The following PDCD11 variants were observed in gnomAD, a reference collection of about 807,000 sequenced individuals.
PDCD11 encodes the protein programmed cell death 11, also known as protein RRP5 homolog.
In PDCD11, 97 loss-of-function variants were observed where a neutral mutation model predicts 198.9. The ratio of observed to expected loss-of-function variants is 0.49; its 90% CI spans 0.41 to 0.58. The LOEUF is 0.58. Among genes scored for constraint, PDCD11 ranks in the 20% least tolerant of loss-of-function variants. The pLI, the probability that PDCD11 is intolerant of heterozygous loss-of-function variation, is 0.00. For synonymous variants in PDCD11, 893 were observed against 918.0 expected, an observed-to-expected ratio of 0.97 and a Z score of 0.49; for missense variants, 2,102 against 2,312.7, an observed-to-expected ratio of 0.91 and a Z score of 1.87.
At chr10:103,413,934 T>C in intron 9 of PDCD11, 32 bp from the exon 10 acceptor site, 1 of 1,579,348 alleles carries the variant, frequency 6.3e-7, no homozygotes, top group Non-Finnish European at 8.6e-7. Flanking sequence ...CTGTTGTCCC[T>C]GGCTTATCCT....
chr10:103,411,461 G>C (rs2030802977), intron 8 of PDCD11, among the ~76,000 whole-genome samples: 1 of 152,118 alleles, frequency 6.6e-6, no homozygotes, highest in African/African-American at 2.4e-5. Context: ...AACCTCCTGG[G>C]TTCAGGCGAT....
chr10:103,434,025 T>C lies in PDCD11; in HGVS notation c.3552T>C (p.Ser1184=). 1 of 1,612,250 alleles carries C rather than the reference T, an allele frequency of 6.2e-7. No homozygotes were observed. The highest frequency in any genetic ancestry group is 1.1e-5 in the South Asian group (1 of 91,050). Residue 1184 remains serine (S), a synonymous_variant, in exon 23 of 36, where the codon TCT becomes TCC. Transcript: ENST00000369797. ...GGAGAATTCCCTTATTGCTCACTTC[T>C]CTGAGCTTCAAGGTCAGTGTGCTTG... ...IRGRIPLLLT[S]LSFKVLKHPD...
At chr10:103,432,998 A>G (rs948211842) in intron 22 of PDCD11, among the ~76,000 whole-genome samples, 3 of 152,082 alleles carry the variant, frequency 2.0e-5, no homozygotes, top group Non-Finnish European at 4.4e-5. Context: ...AGCACAGATA[A>G]CCTTCCCTCG....
intron 25 of PDCD11, among the ~76,000 whole-genome samples, chr10:103,435,582 C>A (rs2032118478): frequency 6.6e-6 from 1 of 152,050 alleles, no homozygotes. Flanking sequence ...GTGGCGCGAT[C>A]TCAGCTCACT....
chr10:103,414,928 A>G (rs1592121933), intron 11 of PDCD11, 77 bp from the exon 12 acceptor site: 2 of 1,525,132 alleles, frequency 1.3e-6, no homozygotes, highest in East Asian at 2.3e-5. Context: ...AAGGGGAGGT[A>G]TGACATGCCT....
chr10:103,397,948 A>T (rs887063547), intron 1 of PDCD11, among the ~76,000 whole-genome samples: 17 of 152,228 alleles, frequency 1.1e-4, no homozygotes, highest in African/African-American at 4.1e-4. Flanking sequence ...GCTAAAAAAG[A>T]TCTTCTTTAT....
chr10:103,440,088 G>A (rs1226518044), intron 28 of PDCD11, among the ~76,000 whole-genome samples: 1 of 152,118 alleles, frequency 6.6e-6, no homozygotes, highest in Non-Finnish European at 1.5e-5. Context: ...ATGGTGGAGG[G>A]GGCATCACAT....
chr10:103,421,536 G>A lies in PDCD11; in HGVS notation c.2466G>A (p.Leu822=). ...TCCTGAATCAGTGCCTGGAGGAGCT[G>A]CAGGGCGTGCGCAGCCTTATGAGCA... ...LLLLNQCLEE[L]QGVRSLMSNR... is the part of the protein sequence containing the mutation. The change falls in exon 17 of 36, where the codon CTG becomes CTA. Residue 822 remains leucine, a synonymous_variant. Transcript: ENST00000369797. The A allele has an allele frequency of 6.4e-7, 1 of 1,570,042 alleles. No individual in the cohort carries two copies. The highest frequency in any genetic ancestry group is 8.6e-7 in the Non-Finnish European group (1 of 1,156,798).
chr10:103,427,936 G>T (rs2031767668), intron 21 of PDCD11, among the ~76,000 whole-genome samples: 1 of 152,112 alleles, frequency 6.6e-6, no homozygotes, highest in Admixed American at 6.6e-5. Context: ...ATTAAGAAAG[G>T]CTCTGTGGCT....
intron 11 of PDCD11, 55 bp from the exon 12 acceptor site, chr10:103,414,950 G>A: frequency 1.3e-6 from 2 of 1,598,680 alleles, no homozygotes; most frequent in Non-Finnish European, 1.7e-6. Context: ...GTTGTAAGAG[G>A]TGGGGGAAAG....
At chr10:103,432,269 T>C (rs765510669) in intron 22 of PDCD11, 35 bp downstream of exon 22, 5 of 1,400,134 alleles carry the variant, frequency 3.6e-6, no homozygotes, top group Non-Finnish European at 5.1e-6. Flanking sequence ...TGAGATGTCA[T>C]TCTTCTTTCA....
intron 1 of PDCD11, among the ~76,000 whole-genome samples, chr10:103,397,532 C>T (rs926572710): frequency 2.0e-5 from 3 of 152,204 alleles, no homozygotes; most frequent in South Asian, 2.1e-4. Context: ...GCCTCCCGGC[C>T]TCAAGCAATT....
intron 34 of PDCD11, 101 bp from the exon 35 acceptor site, chr10:103,444,416 C>G: frequency 8.4e-7 from 1 of 1,195,836 alleles, no homozygotes; most frequent in East Asian, 2.4e-5. Flanking sequence ...GTCTTGGGAC[C>G]CAAGAGCAGG....
Position 103,438,572 on chromosome 10 carries a change from T to C in PDCD11, c.3903-114T>C, listed in dbSNP as rs539928228. 35 of 1,392,830 alleles carry C rather than the reference T, an allele frequency of 2.5e-5. No individual in the cohort carries two copies. In the South Asian group the frequency reaches 4.0e-4, roughly 16 times the overall value. 86.3% of individuals were successfully genotyped at this position (1,392,830 alleles called of 1,614,324 possible). ...TTGGGCTCTAAAGGTTATATCCTGC[T>C]GACAGGTCCAGAGTCATATTCTTAT... On this transcript the variant is annotated intron_variant, in intron 26 of 35. Coordinates refer to ENST00000369797, the MANE Select transcript of PDCD11 (RefSeq NM_014976.2).
At chr10:103,407,081 G>A (rs1029114754) in intron 7 of PDCD11, among the ~76,000 whole-genome samples, 1 of 152,210 alleles carries the variant, frequency 6.6e-6, no homozygotes, top group Admixed American at 6.5e-5. Flanking sequence ...GGACAGTGCT[G>A]ATCTGAAAGG....
intron 16 of PDCD11, 106 bp downstream of exon 16, chr10:103,419,814 C>T: frequency 2.0e-6 from 2 of 982,406 alleles, no homozygotes; most frequent in Non-Finnish European, 3.0e-6. Flanking sequence ...TTTTTTGAGA[C>T]AGTCTTGTTC....
chr10:103,425,952 T>A (rs2031677080), intron 20 of PDCD11, among the ~76,000 whole-genome samples: 1 of 152,248 alleles, frequency 6.6e-6, no homozygotes, highest in Non-Finnish European at 1.5e-5. Flanking sequence ...GTGCTGGGAT[T>A]ACAGTGCATT....
intron 9 of PDCD11, among the ~76,000 whole-genome samples, chr10:103,413,542 A>G (rs1191045064): frequency 6.6e-6 from 1 of 152,206 alleles, no homozygotes; most frequent in Non-Finnish European, 1.5e-5. Context: ...ATAGTTAAGT[A>G]TAAGGATGAG....
chr10:103,438,625 T>C, intron 26 of PDCD11, 61 bp from the exon 27 acceptor site: 1 of 1,605,594 alleles, frequency 6.2e-7, no homozygotes, highest in Non-Finnish European at 8.5e-7. Context: ...TGCAGGTGTA[T>C]TGGGGGTGGC....
Sources: allele counts gnomAD v4.1 joint callset (sites outside exome capture counted in the v4.1 genomes callset), GRCh38; gene constraint gnomAD v4.1.1; transcripts MANE v1.5; gene names NCBI Gene and HGNC (gene_info 2026-07-23, HGNC 2026-07-21).